Variants in IWS1 observed in about 807,000 individuals in gnomAD.
The protein encoded by IWS1 is interacts with SUPT6H, CTD assembly factor 1, also known as protein IWS1 homolog.
A neutral mutation model predicts 86.7 loss-of-function variants in IWS1; 27 were observed. The observed-to-expected ratio is 0.31, with a 90% CI of 0.23 to 0.43. IWS1 has a LOEUF of 0.43. Ranked by LOEUF, IWS1 falls within the 20% of genes least tolerant of loss-of-function variation. The pLI is 1.00. For missense variants in IWS1, 827 were observed against 1,000.8 expected (o/e 0.83, Z 2.34); for synonymous variants, 313 against 335.1 (o/e 0.93, Z 0.72).
chr2:127,487,314 C>T (rs1406605679), intron 12 of IWS1, among the ~76,000 whole-genome samples: 1 of 152,170 alleles, frequency 6.6e-6, no homozygotes, highest in Non-Finnish European at 1.5e-5. Context: ...TACACTTCCC[C>T]AGTTTTACTT....
intron 2 of IWS1, among the ~76,000 whole-genome samples, chr2:127,517,899 T>G (rs951771344): frequency 6.6e-6 from 1 of 152,202 alleles, no homozygotes; most frequent in Non-Finnish European, 1.5e-5. Context: ...AGGAATGAAG[T>G]ACTCATGTGT....
At position 127,505,807 on chromosome 2, in the gene IWS1, AT is replaced by A; in HGVS notation, c.151-56del. On this transcript the variant is annotated intron_variant, in intron 2 of 13. Transcript: ENST00000295321. The surrounding 1 kb of genome is among the most constrained non-coding windows in gnomAD (Gnocchi z 5.0). ...AAGTGCAAAAAAAAAAAAACCATTA[AT>A]AATAAAACATTAAATTTTTTCTGTG... The A allele has an allele frequency of 8.9e-7, 1 of 1,127,052 alleles. No homozygotes were observed. The highest frequency in any genetic ancestry group is 1.2e-6 in the Non-Finnish European group (1 of 801,758). 69.8% of individuals were successfully genotyped at this position (1,127,052 alleles called of 1,614,324 possible).
At chr2:127,525,694 C>T (rs540364080) in intron 1 of IWS1, among the ~76,000 whole-genome samples, 1 of 152,282 alleles carries the variant, frequency 6.6e-6, no homozygotes, top group South Asian at 2.1e-4. Context: ...GCACAAAAAC[C>T]ACCAGTAAGT....
intron 6 of IWS1, among the ~76,000 whole-genome samples, chr2:127,497,328 C>T (rs993098268): frequency 6.6e-6 from 1 of 152,210 alleles, no homozygotes; most frequent in Non-Finnish European, 1.5e-5. Context: ...TTTAGTGGCA[C>T]TGCCCTTTCT....
Position 127,504,854 on chromosome 2 carries a change from T to G in IWS1, c.1049A>C (p.His350Pro). 1 of 1,614,220 alleles carries G rather than the reference T, an allele frequency of 6.2e-7. No homozygotes were observed. Among genetic ancestry groups the G allele is most frequent in the Non-Finnish European group, 8.5e-7 (1 of 1,180,034 alleles). The change falls in exon 3 of 14, where the codon CAT becomes CCT. Residue 350 changes from histidine (H) to proline (P), a missense_variant. This residue lies in a region of IWS1 where 548 missense variants were observed against 560.2 expected (regional missense o/e 0.98). Transcript: ENST00000295321. ...TTTTCTGTCCATATGGCTGTCTGAA[T>G]GGAAGGAGTCATTCTGCATTTCTGT... is the stretch of plus-strand genomic sequence containing the variant. Reference protein sequence around the residue: ...EDTEMQNDSFHSDSHMDRKKF... With the variant: ...EDTEMQNDSFPSDSHMDRKKF...
chr2:127,525,621 A>C (rs1323272390), intron 1 of IWS1, among the ~76,000 whole-genome samples: 1 of 152,224 alleles, frequency 6.6e-6, no homozygotes, highest in African/African-American at 2.4e-5. Flanking sequence ...ATAAACAAAC[A>C]GTAAAGAAAG....
intron 5 of IWS1, 93 bp downstream of exon 5, chr2:127,502,722 C>T: frequency 3.2e-6 from 2 of 626,172 alleles, no homozygotes; most frequent in Non-Finnish European, 5.8e-6. Flanking sequence ...TTGTTTATTC[C>T]TACTTATTAG....
At chr2:127,485,379 T>C (rs1408079959) in intron 13 of IWS1, among the ~76,000 whole-genome samples, 2 of 152,202 alleles carry the variant, frequency 1.3e-5, no homozygotes, top group East Asian at 1.9e-4. Flanking sequence ...GGCTTATGAA[T>C]GTTCCCAAGT....
chr2:127,481,677 C>G (rs1176793863), intron 13 of IWS1, among the ~76,000 whole-genome samples: 1 of 152,088 alleles, frequency 6.6e-6, no homozygotes, highest in Non-Finnish European at 1.5e-5. Context: ...AGTGCAGGAG[C>G]TCTTGAGTTT....
chr2:127,485,797 A>AGC (rs1689897820), intron 13 of IWS1: 3 of 152,260 alleles, frequency 2.0e-5, no homozygotes, highest in Non-Finnish European at 4.4e-5. Context: ...TGATTAAGAA[A>AGC]GCACACACAC....
At chr2:127,497,661 A>G (rs1361571074) in intron 6 of IWS1, among the ~76,000 whole-genome samples, 1 of 152,214 alleles carries the variant, frequency 6.6e-6, no homozygotes, top group Admixed American at 6.5e-5. Flanking sequence ...TTTTAAAAGC[A>G]TCTTTACGAC....
At chr2:127,506,438 C>A (rs1214075645) in intron 2 of IWS1, among the ~76,000 whole-genome samples, 1 of 152,052 alleles carries the variant, frequency 6.6e-6, no homozygotes, top group Non-Finnish European at 1.5e-5. Context: ...TAACCAAGTT[C>A]TTTTACACAG....
chr2:127,526,250 G>GC lies in IWS1; in HGVS notation c.-43dup. On this transcript the variant is annotated 5_prime_UTR_variant, in exon 1 of 14. Coordinates refer to ENST00000295321, the MANE Select transcript of IWS1 (RefSeq NM_017969.3). ...GCGGGGAGTGTCCGCGCCCCGCGCCGCCCCCGTCACCTCCTTCCAGGCGGT... is the reference window on the plus strand; with the variant it reads ...GCGGGGAGTGTCCGCGCCCCGCGCCGCCCCCCGTCACCTCCTTCCAGGCGGT... 2 of 1,549,868 alleles carry GC rather than the reference G, an allele frequency of 1.3e-6. No homozygotes were observed. Among genetic ancestry groups the GC allele is most frequent in the Non-Finnish European group, 8.7e-7 (1 of 1,148,142 alleles).
intron 2 of IWS1, among the ~76,000 whole-genome samples, chr2:127,507,680 C>T (rs1691215756): frequency 6.6e-6 from 1 of 152,146 alleles, no homozygotes; most frequent in African/African-American, 2.4e-5. Context: ...ATTGTAAGCT[C>T]TAGGAAGGCA....
Position 127,526,371 on chromosome 2 carries a change from G to C in IWS1, c.-163C>G. ...GTAAGAAAGCGGTAGCGGCAAAGGC[G>C]AATTCTTTGACCTGGAAGCCCCGGC... On this transcript the variant is annotated 5_prime_UTR_variant, in exon 1 of 14. Transcript: ENST00000295321. The C allele has an allele frequency of 6.5e-7, 1 of 1,536,526 alleles. No homozygotes were observed. The highest frequency in any genetic ancestry group is 1.2e-5 in the South Asian group (1 of 83,362).
intron 2 of IWS1, among the ~76,000 whole-genome samples, chr2:127,512,613 C>T (rs761668384): frequency 6.6e-6 from 1 of 152,184 alleles, no homozygotes; most frequent in African/African-American, 2.4e-5. Flanking sequence ...AGAATTACCA[C>T]CACCCCTATC....
In IWS1 at chr2:127,499,385, C is replaced by T. The variant is rs940803892; in HGVS notation, c.1468-1148G>A. ...GATTACAGGCGTGAGCCACCGCGCC[C>T]GGCCAATTTTTCATTTTTATGTAAA... is the stretch of plus-strand genomic sequence containing the variant. On this transcript the variant is annotated intron_variant, in intron 5 of 13. Transcript: ENST00000295321. The surrounding 1 kb of genome is among the most constrained non-coding windows in gnomAD (Gnocchi z 4.0). Among the ~76,000 whole-genome samples the T allele has an allele frequency of 2.6e-4, 39 of 152,116 alleles. No homozygotes were observed. Among genetic ancestry groups the T allele is most frequent in the African/African-American group, 8.0e-4 (33 of 41,422 alleles).
chr2:127,504,700 T>C lies in IWS1; in HGVS notation c.1203A>G (p.Glu401=). The change falls in exon 3 of 14, where the codon GAA becomes GAG. Residue 401 remains glutamate (E), a synonymous_variant. Coordinates refer to ENST00000295321, the MANE Select transcript of IWS1 (RefSeq NM_017969.3). ...ACTCCTTACATGCTTTCTCTTCATC[T>C]TCACTATCAGAAAGCACAGCAGCTT... ...KRKAAVLSDS[E]DEEKASAKKS... is the part of the protein sequence containing the mutation. 1 of 1,602,864 alleles carries C rather than the reference T, an allele frequency of 6.2e-7. No homozygotes were observed. The highest frequency in any genetic ancestry group is 1.1e-5 in the South Asian group (1 of 88,806).
rs950416622 is a variant in IWS1, at chr2:127,504,631, A to C, written c.1219+53T>G. Reference sequence around the variant, plus strand: ...AGAGGATACAATGTTCCACAGTTACAAGCTTAGACAATGAATAAAGCCATT... The same window carrying C: ...AGAGGATACAATGTTCCACAGTTACCAGCTTAGACAATGAATAAAGCCATT... On this transcript the variant is annotated intron_variant, in intron 3 of 13. Coordinates refer to ENST00000295321, the MANE Select transcript of IWS1 (RefSeq NM_017969.3). The C allele has an allele frequency of 1.0e-5, 13 of 1,247,546 alleles. No individual in the cohort carries two copies. In the African/African-American group the frequency reaches 1.8e-4, roughly 17 times the overall value. 77.3% of individuals were successfully genotyped at this position (1,247,546 alleles called of 1,614,324 possible).
Sources: allele counts gnomAD v4.1 joint callset (sites outside exome capture counted in the v4.1 genomes callset), GRCh38; gene constraint gnomAD v4.1.1; regional missense constraint gnomAD v4.1.1; non-coding constraint Gnocchi (gnomAD v3.1); transcripts MANE v1.5; gene names NCBI Gene and HGNC (gene_info 2026-07-23, HGNC 2026-07-21).